The following SLC22A3 variants were observed in gnomAD, a reference collection of about 807,000 sequenced individuals.
The protein encoded by SLC22A3 is EMT organic cation transporter 3.
Under a neutral mutation model 59.1 loss-of-function variants are expected in SLC22A3, and 51 were observed. The ratio of observed to expected loss-of-function variants is 0.86; its 90% CI spans 0.69 to 1.09. The LOEUF (loss-of-function observed/expected upper bound fraction) is 1.09. Among genes scored for constraint, SLC22A3 ranks in the 50% least tolerant of loss-of-function variants. The pLI is 0.00. For synonymous variants in SLC22A3, 325 were observed against 292.0 expected (o/e 1.11, Z -1.15); for missense variants, 711 against 726.3 (o/e 0.98, Z 0.24).
intron 5 of SLC22A3, among the ~76,000 whole-genome samples, chr6:160,433,515 TCTACTACTACTA>T (rs3066966): frequency 2.7e-5 from 4 of 146,870 alleles, no homozygotes; most frequent in African/African-American, 7.6e-5. Context: ...AGACCCTGTC[TCTACTACTACTA>T]CTACTACTAC....
At chr6:160,437,345 C>T in intron 7 of SLC22A3, 134 bp downstream of exon 7, 1 of 909,254 alleles carries the variant, frequency 1.1e-6, no homozygotes, top group South Asian at 1.4e-5. Context: ...ACTCCATTTT[C>T]TGCTTAATCA....
intron 9 of SLC22A3, among the ~76,000 whole-genome samples, chr6:160,444,314 T>C (rs1788664492): frequency 1.3e-5 from 2 of 152,078 alleles, no homozygotes; most frequent in Non-Finnish European, 2.9e-5. Context: ...GGTCACGCCA[T>C]TGCACTCCAG....
At chr6:160,350,897 G>A (rs572010412) in intron 1 of SLC22A3, among the ~76,000 whole-genome samples, 28 of 152,206 alleles carry the variant, frequency 1.8e-4, no homozygotes, top group African/African-American at 6.5e-4. Flanking sequence ...TGAGTTACTC[G>A]CCTTCTCTGG....
At chr6:160,352,943 C>A (rs1784709106) in intron 1 of SLC22A3, among the ~76,000 whole-genome samples, 2 of 152,340 alleles carry the variant, frequency 1.3e-5, no homozygotes, top group Admixed American at 1.3e-4. Context: ...CCCTCAGCCT[C>A]CTGAGTAGCT....
intron 1 of SLC22A3, among the ~76,000 whole-genome samples, chr6:160,358,341 A>T (rs1784908582): frequency 6.6e-6 from 1 of 152,220 alleles, no homozygotes; most frequent in Admixed American, 6.5e-5. Flanking sequence ...ATATGTAAGT[A>T]GCTGGTGATG....
At chr6:160,401,733 A>G (rs111815836) in intron 2 of SLC22A3, among the ~76,000 whole-genome samples, 13 of 152,142 alleles carry the variant, frequency 8.5e-5, no homozygotes, top group African/African-American at 3.1e-4. Context: ...ATAAGCATAT[A>G]TAGAGTATTT....
intron 1 of SLC22A3, among the ~76,000 whole-genome samples, chr6:160,379,466 C>G (rs555192894): frequency 9.8e-5 from 15 of 152,324 alleles, no homozygotes; most frequent in African/African-American, 3.6e-4. Context: ...AGTGAAGTCC[C>G]AAAGTCTCTT....
intron 1 of SLC22A3, among the ~76,000 whole-genome samples, chr6:160,365,377 G>A (rs1785170443): frequency 6.6e-6 from 1 of 152,186 alleles, no homozygotes; most frequent in South Asian, 2.1e-4. Context: ...CAATCCACCT[G>A]ACTTGAGGGC....
chr6:160,405,555 T>C (rs368026733), intron 2 of SLC22A3, among the ~76,000 whole-genome samples: 20 of 152,156 alleles, frequency 1.3e-4, no homozygotes, highest in African/African-American at 4.3e-4. Context: ...ATCCAGCAAT[T>C]GTACTCCTTG....
intron 1 of SLC22A3, among the ~76,000 whole-genome samples, chr6:160,367,267 A>G (rs1403518962): frequency 1.3e-5 from 2 of 152,154 alleles, no homozygotes; most frequent in African/African-American, 2.4e-5. Flanking sequence ...CAGAAGGGGG[A>G]AAAGCTCCTT....
At position 160,441,966 on chromosome 6, in the gene SLC22A3, G is replaced by A. The variant is rs147540324; in HGVS notation, c.1289-795G>A. On this transcript the variant is annotated intron_variant, in intron 7 of 10. Transcript: ENST00000275300. The stretch of plus-strand genomic sequence containing the variant: ...AGCAGTGACTTTTTAGAGTAAAAAT[G>A]GTTAACTCCTCTGCCCTTAAAACAT... Among the ~76,000 whole-genome samples the A allele has an allele frequency of 6.9e-3, 1,051 of 152,226 alleles. 16 individuals are homozygous for A. The highest frequency in any genetic ancestry group is 0.024 in the African/African-American group (1,008 of 41,536).
chr6:160,430,936 G>C (rs1233087920), intron 5 of SLC22A3, among the ~76,000 whole-genome samples: 1 of 152,198 alleles, frequency 6.6e-6, no homozygotes, highest in Non-Finnish European at 1.5e-5. Flanking sequence ...CCCAGAGTGG[G>C]GGGAGGGGAC....
intron 5 of SLC22A3, among the ~76,000 whole-genome samples, chr6:160,418,426 C>T (rs1434240061): frequency 6.6e-6 from 1 of 152,196 alleles, no homozygotes; most frequent in Admixed American, 6.5e-5. Flanking sequence ...CTGAGCCACT[C>T]CTGGCTTCCT....
chr6:160,411,648 A>C (rs1374677243), intron 5 of SLC22A3, among the ~76,000 whole-genome samples: 1 of 152,220 alleles, frequency 6.6e-6, no homozygotes, highest in Non-Finnish European at 1.5e-5. Flanking sequence ...AGGCTGAAGC[A>C]GGAGGATCAT....
intron 9 of SLC22A3, 43 bp downstream of exon 9, chr6:160,443,785 C>A (rs756727376): frequency 5.8e-6 from 7 of 1,206,804 alleles, no homozygotes; most frequent in Non-Finnish European, 1.2e-6. Context: ...CATCTACATT[C>A]TTTGTACTAA....
chr6:160,376,692 G>T (rs928504187), intron 1 of SLC22A3, among the ~76,000 whole-genome samples: 12 of 152,158 alleles, frequency 7.9e-5, no homozygotes, highest in African/African-American at 2.4e-4. Context: ...TACTTGTTCT[G>T]TTAAAGTATG....
At chr6:160,397,128 A>G (rs1359885746) in intron 1 of SLC22A3, among the ~76,000 whole-genome samples, 2 of 152,110 alleles carry the variant, frequency 1.3e-5, no homozygotes, top group African/African-American at 2.4e-5. Context: ...CAATTATTCC[A>G]TGGATGGAGG....
intron 7 of SLC22A3, among the ~76,000 whole-genome samples, chr6:160,439,488 T>C (rs1173644455): frequency 6.6e-6 from 1 of 152,208 alleles, no homozygotes; most frequent in Non-Finnish European, 1.5e-5. Context: ...CTTTAATGTT[T>C]GTTGCATTCA....
chr6:160,348,498 C>T lies in SLC22A3; in HGVS notation c.79C>T (p.Leu27=). 1 of 1,562,272 alleles carries T rather than the reference C, an allele frequency of 6.4e-7. No individual in the cohort carries two copies. Among genetic ancestry groups the T allele is most frequent in the Non-Finnish European group, 8.6e-7 (1 of 1,161,022 alleles). ...GAGGCGCGTGTTTTTGCTGCTGTGCCTGACGGGCGTCACCTTCGCCTTCCT... is the reference window on the plus strand; with the variant it reads ...GAGGCGCGTGTTTTTGCTGCTGTGCTTGACGGGCGTCACCTTCGCCTTCCT... ...FQRRVFLLLC[L]TGVTFAFLFV... The change falls in exon 1 of 11, where the codon CTG becomes TTG. Residue 27 remains leucine (L), a synonymous_variant. Transcript: ENST00000275300.
Sources: allele counts gnomAD v4.1 joint callset (sites outside exome capture counted in the v4.1 genomes callset), GRCh38; gene constraint gnomAD v4.1.1; transcripts MANE v1.5; gene names NCBI Gene and HGNC (gene_info 2026-07-23, HGNC 2026-07-21).